DLC1: variants seen among roughly 807,000 people sequenced by gnomAD.
DLC1 encodes the protein rho GTPase-activating protein 7.
A neutral mutation model predicts 140.3 loss-of-function variants in DLC1; 54 were observed. That is an observed-to-expected ratio of 0.38 (90% CI 0.31 to 0.48). DLC1 has a LOEUF of 0.48. DLC1 is among the 20% of genes least tolerant of loss of function. The pLI, the probability that DLC1 is intolerant of heterozygous loss-of-function variation, is 0.96. For missense variants in DLC1, 2,536 were observed against 1,907.0 expected (o/e 1.33, Z -6.14); for synonymous variants, 986 against 728.1 (o/e 1.35, Z -5.70).
At chr8:13,280,060 A>C (rs531109405) in intron 5 of DLC1, among the ~76,000 whole-genome samples, 31 of 151,700 alleles carry the variant, frequency 2.0e-4, no homozygotes, top group African/African-American at 7.5e-4. Context: ...TGCATGGATC[A>C]TGAGGTCGGG....
intron 4 of DLC1, among the ~76,000 whole-genome samples, chr8:13,357,643 A>C (rs1202792361): frequency 6.6e-6 from 1 of 152,236 alleles, no homozygotes; most frequent in African/African-American, 2.4e-5. Flanking sequence ...AGTTTCAAGA[A>C]ATTACAAGAA....
intron 4 of DLC1, among the ~76,000 whole-genome samples, chr8:13,384,945 CTCTT>C (rs1836451494): frequency 6.6e-6 from 1 of 152,070 alleles, no homozygotes; most frequent in African/African-American, 2.4e-5. Flanking sequence ...CAACATTTTC[CTCTT>C]TCTTATAATT....
At chr8:13,566,968 A>G in intron 1 of DLC1, 1 of 1,521,472 alleles carries the variant, frequency 6.6e-7, no homozygotes. Flanking sequence ...AAAGGAGATG[A>G]GGAGCCGAGC....
chr8:13,139,628 A>G lies in DLC1; in HGVS notation c.1349-23971T>C, dbSNP rs575122713. On this transcript the variant is annotated intron_variant, in intron 5 of 17. Coordinates refer to ENST00000276297, the MANE Select transcript of DLC1 (RefSeq NM_182643.3). ...AGCATGCTTTCCTGAGATACTTACTATATTGACAGTAGGAATTCCTTTTAA... is the reference window on the plus strand; with the variant it reads ...AGCATGCTTTCCTGAGATACTTACTGTATTGACAGTAGGAATTCCTTTTAA... Among the ~76,000 whole-genome samples, 22 of 152,340 alleles carry G rather than the reference A, an allele frequency of 1.4e-4. No homozygotes were observed. In the South Asian group the frequency reaches 4.1e-3, roughly 29 times the overall value.
At chr8:13,433,361 T>C (rs373298680) in intron 2 of DLC1, among the ~76,000 whole-genome samples, 1 of 152,160 alleles carries the variant, frequency 6.6e-6, no homozygotes, top group Non-Finnish European at 1.5e-5. Flanking sequence ...GTTTGGGGAC[T>C]GTCACATTTC....
chr8:13,259,222 C>G (rs12677351), intron 5 of DLC1, among the ~76,000 whole-genome samples: 3 of 151,652 alleles, frequency 2.0e-5, no homozygotes, highest in African/African-American at 7.3e-5. Flanking sequence ...CCAGTGGCAC[C>G]TGACATGAAA....
At chr8:13,386,703 C>G (rs1334453049) in intron 4 of DLC1, among the ~76,000 whole-genome samples, 1 of 151,966 alleles carries the variant, frequency 6.6e-6, no homozygotes, top group Non-Finnish European at 1.5e-5. Context: ...ATTTCAAAAT[C>G]CAGACTAGGT....
intron 5 of DLC1, among the ~76,000 whole-genome samples, chr8:13,177,773 A>G (rs1349194596): frequency 6.6e-6 from 1 of 152,218 alleles, no homozygotes; most frequent in East Asian, 1.9e-4. Context: ...AGAATCATGT[A>G]AAAACCAGTG....
At chr8:13,494,396 T>C (rs1801405246) in intron 2 of DLC1, among the ~76,000 whole-genome samples, 1 of 152,176 alleles carries the variant, frequency 6.6e-6, no homozygotes, top group African/African-American at 2.4e-5. Flanking sequence ...GCCCATGAAA[T>C]TGCAGTGAAG....
Position 13,593,120 on chromosome 8 carries a change from C to T in DLC1, c.-126+11417G>A, listed in dbSNP as rs577384178. 3.3e-5 allele frequency among the ~76,000 whole-genome samples: 5 copies of T among 152,186 alleles called. No individual in the cohort carries two copies. The South Asian group carries it at 8.3e-4, about 25-fold the overall frequency. ...TGCAGTACTCCTCACCTCACCCCAC[C>T]CAATCTATGTTCCAGTTGATAATTT... is the stretch of plus-strand genomic sequence containing the variant. On this transcript the variant is annotated intron_variant, in intron 1 of 1. Coordinates refer to the DLC1 transcript ENST00000631382.
chr8:13,176,463 C>G (rs985328322), intron 5 of DLC1, among the ~76,000 whole-genome samples: 1 of 152,252 alleles, frequency 6.6e-6, no homozygotes, highest in African/African-American at 2.4e-5. Flanking sequence ...CCTGTAGTCC[C>G]AGCTACTCTG....
chr8:13,498,962 C>A (rs1801640921), intron 2 of DLC1, 87 bp downstream of exon 2: 1 of 1,455,386 alleles, frequency 6.9e-7, no homozygotes, highest in Non-Finnish European at 9.1e-7. Context: ...ATCTTCATAT[C>A]TTTTTAATCC....
At chr8:13,393,476 T>C in intron 4 of DLC1, 77 bp downstream of exon 4, 1 of 1,439,108 alleles carries the variant, frequency 6.9e-7, no homozygotes, top group East Asian at 2.3e-5. Flanking sequence ...TTCTTCTATA[T>C]CGAATGAATA....
intron 5 of DLC1, among the ~76,000 whole-genome samples, chr8:13,182,911 G>C (rs1359900544): frequency 1.3e-5 from 2 of 152,178 alleles, no homozygotes; most frequent in Admixed American, 6.5e-5. Flanking sequence ...AGCTTGGGCA[G>C]TATGGCCATT....
intron 4 of DLC1, among the ~76,000 whole-genome samples, chr8:13,362,623 A>C (rs1269115114): frequency 6.6e-6 from 1 of 151,976 alleles, no homozygotes; most frequent in East Asian, 1.9e-4. Flanking sequence ...AATGGATGTT[A>C]ATCTTGTTAC....
At chr8:13,227,212 A>C (rs1482223068) in intron 5 of DLC1, among the ~76,000 whole-genome samples, 4 of 152,180 alleles carry the variant, frequency 2.6e-5, no homozygotes, top group African/African-American at 4.8e-5. Flanking sequence ...TAATAAAAAC[A>C]AATTGCCTTC....
upstream of DLC1, among the ~76,000 whole-genome samples, chr8:13,517,231 A>G (rs1243583415): frequency 6.6e-6 from 1 of 152,180 alleles, no homozygotes; most frequent in African/African-American, 2.4e-5. Flanking sequence ...GTTACTCAAT[A>G]TTATATCAGC....
intron 5 of DLC1, among the ~76,000 whole-genome samples, chr8:13,237,593 C>T (rs147637973): frequency 6.6e-6 from 1 of 152,076 alleles, no homozygotes; most frequent in East Asian, 1.9e-4. Flanking sequence ...ACTGTGTAGA[C>T]TTTTATCCCT....
chr8:13,356,461 G>A (rs1040922113), intron 4 of DLC1, among the ~76,000 whole-genome samples: 6 of 152,216 alleles, frequency 3.9e-5, no homozygotes, highest in South Asian at 4.1e-4. Context: ...TTTACCATAC[G>A]AAATTCCTTG....
Sources: gnomAD v4.1 joint callset for allele counts (sites outside exome capture counted in the v4.1 genomes callset) on GRCh38, gnomAD v4.1.1 for gene constraint, MANE v1.5 for transcripts, NCBI Gene and HGNC (gene_info 2026-07-23, HGNC 2026-07-21) for gene names.